Variants in TRIP12 observed in about 807,000 individuals in gnomAD.
TRIP12 encodes the protein thyroid hormone receptor interactor 12, also known as E3 ubiquitin-protein ligase TRIP12.
A neutral mutation model predicts 244.2 loss-of-function variants in TRIP12; 25 were observed. The ratio of observed to expected loss-of-function variants is 0.10; its 90% CI spans 0.07 to 0.14. The LOEUF (loss-of-function observed/expected upper bound fraction) is 0.14, where lower values mean the gene tolerates loss of function less well. Ranked by LOEUF, TRIP12 falls within the 10% of genes least tolerant of loss-of-function variation. TRIP12 has a pLI of 1.00. For missense variants in TRIP12, 1,677 were observed against 2,486.4 expected (o/e 0.67, Z 6.92); for synonymous variants, 905 against 873.1 (o/e 1.04, Z -0.64).
intron 6 of TRIP12, among the ~76,000 whole-genome samples, chr2:229,833,821 C>A (rs1050314402): frequency 1.3e-5 from 2 of 150,434 alleles, no homozygotes; most frequent in Admixed American, 6.6e-5. Context: ...TTTGGTTTTA[C>A]CAAAACAAAA....
In TRIP12 at chr2:229,786,787, C is replaced by T. The variant is rs186484767; in HGVS notation, c.4995+718G>A. On this transcript the variant is annotated intron_variant, in intron 33 of 41. Transcript: ENST00000675903. ...TTGCTTTTCAGTATACACTTCACTCCCTGCCATCCATCTAACTCCTTTATT... is the reference window on the plus strand; with the variant it reads ...TTGCTTTTCAGTATACACTTCACTCTCTGCCATCCATCTAACTCCTTTATT... Among the ~76,000 whole-genome samples the T allele has an allele frequency of 3.3e-5, 5 of 151,998 alleles. 1 individual carries two copies. The South Asian group carries it at 6.2e-4, about 19-fold the overall frequency.
chr2:229,893,844 A>G (rs6749080), intron 1 of TRIP12, among the ~76,000 whole-genome samples: 38,183 of 152,146 alleles, frequency 0.25, 5,932 homozygotes, highest in Middle Eastern at 0.43. Flanking sequence ...AGCTGTGAGT[A>G]TAGGTGTGTG....
At chr2:229,811,313 A>C in intron 13 of TRIP12, 109 bp from the exon 14 acceptor site, 1 of 1,117,700 alleles carries the variant, frequency 8.9e-7, no homozygotes, top group Non-Finnish European at 1.3e-6. Flanking sequence ...GGCAAGCTCA[A>C]TTAGTAAATG....
intron 4 of TRIP12, among the ~76,000 whole-genome samples, chr2:229,845,441 A>G (rs2057375852): frequency 6.6e-6 from 1 of 152,208 alleles, no homozygotes; most frequent in Non-Finnish European, 1.5e-5. Flanking sequence ...ATGAAGAAGA[A>G]TATGTGGCAA....
intron 1 of TRIP12, 150 bp from the exon 2 acceptor site, chr2:229,880,278 G>T: frequency 1.7e-6 from 1 of 593,406 alleles, no homozygotes; most frequent in Non-Finnish European, 3.0e-6. Flanking sequence ...ACTGAACTGT[G>T]AAGTCTGACT....
Position 229,827,047 on chromosome 2 carries a change from G to A in TRIP12, c.1450+2146C>T, listed in dbSNP as rs537022840. 5.1e-4 allele frequency among the ~76,000 whole-genome samples: 77 copies of A among 152,270 alleles called. 1 individual carries two copies. The highest frequency in any genetic ancestry group is 8.3e-4 in the South Asian group (4 of 4,824). On this transcript the variant is annotated intron_variant, in intron 8 of 41. Transcript: ENST00000675903. ...TGTAATCCTAGCACTTTGGGAGGCT[G>A]AGGCAGGCAGATCACAAGGTCAGGA...
At chr2:229,870,523 A>G (rs540820020) in intron 2 of TRIP12, among the ~76,000 whole-genome samples, 1 of 152,370 alleles carries the variant, frequency 6.6e-6, no homozygotes, top group African/African-American at 2.4e-5. Context: ...CTAAGACTGG[A>G]AAAGAGTATA....
At chr2:229,876,699 G>A (rs75959528) in intron 2 of TRIP12, among the ~76,000 whole-genome samples, 5,187 of 152,072 alleles carry the variant, frequency 0.034, 302 homozygotes, top group African/African-American at 0.12. Context: ...TTTCTCTGTC[G>A]CCCAGGCTGG....
At chr2:229,841,034 T>G in intron 4 of TRIP12, 107 bp from the exon 5 acceptor site, 2 of 791,346 alleles carry the variant, frequency 2.5e-6, no homozygotes, top group Non-Finnish European at 4.1e-6. Flanking sequence ...CAGAATATTT[T>G]TATAACCTCT....
chr2:229,829,919 AG>A (rs1186835840), intron 7 of TRIP12, among the ~76,000 whole-genome samples: 1 of 152,242 alleles, frequency 6.6e-6, no homozygotes, highest in African/African-American at 2.4e-5. Flanking sequence ...ATTGCACTCC[AG>A]CCTGGGCAAC....
intron 6 of TRIP12, among the ~76,000 whole-genome samples, chr2:229,834,112 C>T (rs772195886): frequency 6.6e-6 from 1 of 152,194 alleles, no homozygotes; most frequent in African/African-American, 2.4e-5. Flanking sequence ...AGATATTTCC[C>T]GTTTAGTCTT....
At chr2:229,884,035 CAG>C (rs1234301254) in intron 1 of TRIP12, among the ~76,000 whole-genome samples, 1 of 151,374 alleles carries the variant, frequency 6.6e-6, no homozygotes, top group Admixed American at 6.6e-5. Context: ...CGCTTGAACT[CAG>C]GGGGCAGAGG....
chr2:229,859,239 C>T lies in TRIP12; in HGVS notation c.560G>A (p.Arg187Gln), dbSNP rs1006814717. 1.1e-5 allele frequency: 18 copies of T among 1,614,042 alleles called. No individual in the cohort carries two copies. The highest frequency in any genetic ancestry group is 1.6e-4 in the Middle Eastern group (1 of 6,084). ...CTCTGTCCTTTTTCTTTTCTGACTC[C>T]GTGAACCGCCAGTGGCCCCACTCTT... ...TRKSGATGGS[R>Q]SQKRKRTESS... Residue 187 changes from arginine to glutamine, a missense_variant, in exon 4 of 42, where the codon CGG (arginine) becomes CAG (glutamine). By Grantham distance (43) the Arg-to-Gln change is conservative (BLOSUM62 1). Coordinates refer to ENST00000675903, the MANE Select transcript of TRIP12 (RefSeq NM_001348323.3).
chr2:229,859,173 C>T lies in TRIP12; in HGVS notation c.626G>A (p.Gly209Asp), dbSNP rs775111665. 6.2e-7 allele frequency: 1 copy of T among 1,614,176 alleles called. No individual in the cohort carries two copies. Among genetic ancestry groups the T allele is most frequent in the Non-Finnish European group, 8.5e-7 (1 of 1,180,036 alleles). ...VKSGSGSEST[G>D]AEERSAKPTK... ...AGGTTTCGCAGATCTCTCTTCTGCA[C>T]CAGTTGATTCAGACCCGGAGCCACT... The change falls in exon 4 of 42, where the codon GGT becomes GAT. Residue 209 changes from glycine (G) to aspartate (D), a missense_variant. Gly to Asp is a moderately conservative substitution (Grantham distance 94). This residue lies in a region of TRIP12 where 387 missense variants were observed against 392.6 expected (regional missense o/e 0.99). Transcript: ENST00000675903.
chr2:229,823,534 G>A (rs2050661750), intron 8 of TRIP12, among the ~76,000 whole-genome samples: 1 of 152,016 alleles, frequency 6.6e-6, no homozygotes, highest in South Asian at 2.1e-4. Flanking sequence ...AAATTAGCCA[G>A]GTGTGGTGGC....
At chr2:229,771,892 T>C (rs985489034) in intron 38 of TRIP12, among the ~76,000 whole-genome samples, 1 of 152,248 alleles carries the variant, frequency 6.6e-6, no homozygotes, top group African/African-American at 2.4e-5. Flanking sequence ...AAAATCTATT[T>C]ATGTGAAACC....
intron 13 of TRIP12, among the ~76,000 whole-genome samples, chr2:229,811,478 A>T (rs1034645224): frequency 6.6e-6 from 1 of 152,064 alleles, no homozygotes; most frequent in African/African-American, 2.4e-5. Context: ...ATGCTTACAC[A>T]ATCTCAATAC....
intron 4 of TRIP12, among the ~76,000 whole-genome samples, chr2:229,858,341 C>T (rs59234368): frequency 0.25 from 38,347 of 152,008 alleles, 5,950 homozygotes; most frequent in Middle Eastern, 0.44. Flanking sequence ...CCAGCCTAGG[C>T]GACAGAGTGA....
At chr2:229,851,935 C>T (rs778020520) in intron 4 of TRIP12, among the ~76,000 whole-genome samples, 2 of 152,182 alleles carry the variant, frequency 1.3e-5, no homozygotes, top group Non-Finnish European at 2.9e-5. Flanking sequence ...CCACCAATTC[C>T]GGACACAAAA....
Sources: gnomAD v4.1 joint callset for allele counts (sites outside exome capture counted in the v4.1 genomes callset) on GRCh38, gnomAD v4.1.1 for gene constraint, gnomAD v4.1.1 regional missense constraint, MANE v1.5 for transcripts, NCBI Gene and HGNC (gene_info 2026-07-23, HGNC 2026-07-21) for gene names.